RPA3: variants seen among roughly 807,000 people sequenced by gnomAD.
RPA3 encodes the protein replication protein A3.
RPA3 carries 24 observed loss-of-function variants against 13.7 expected under a neutral mutation model. The ratio of observed to expected loss-of-function variants is 1.75; its 90% CI spans 1.27 to 2.46. RPA3 has a LOEUF of 2.46. Among genes scored for constraint, RPA3 ranks in the 30% most tolerant of loss-of-function variants. The pLI is 0.00. For missense variants in RPA3, 183 were observed against 151.0 expected (o/e 1.21, Z -1.11); for synonymous variants, 59 against 51.2 (o/e 1.15, Z -0.65).
At chr7:7,716,936 T>A (rs1228474450) in intron 1 of RPA3, among the ~76,000 whole-genome samples, 1 of 152,084 alleles carries the variant, frequency 6.6e-6, no homozygotes, top group East Asian at 1.9e-4. Flanking sequence ...CCTATGTAAA[T>A]CAGACACCGC....
chr7:7,638,162 T>G, intron 6 of RPA3, 190 bp from the exon 7 acceptor site: 1 of 457,884 alleles, frequency 2.2e-6, no homozygotes, highest in Non-Finnish European at 4.0e-6. Context: ...CATGTTAAAA[T>G]TCCTGCTACC....
chr7:7,663,112 A>G (rs532189938), intron 4 of RPA3, among the ~76,000 whole-genome samples: 183 of 151,994 alleles, frequency 1.2e-3, no homozygotes, highest in Middle Eastern at 0.01. Flanking sequence ...GTTACCATGT[A>G]TAATGCTCTC....
intron 7 of RPA3, 100 bp from the exon 8 acceptor site, chr7:7,637,182 T>C (rs1784879497): frequency 1.1e-6 from 1 of 878,080 alleles, no homozygotes; most frequent in African/African-American, 1.7e-5. Flanking sequence ...TCTCACCCTT[T>C]TGGAAGTGAG....
intron 4 of RPA3, among the ~76,000 whole-genome samples, chr7:7,680,489 T>C (rs528620276): frequency 6.6e-6 from 1 of 152,334 alleles, no homozygotes; most frequent in South Asian, 2.1e-4. Context: ...TCTAATTTTG[T>C]TGTTTTTGCT....
chr7:7,637,463 C>A (rs966274283), intron 7 of RPA3, among the ~76,000 whole-genome samples: 7 of 151,946 alleles, frequency 4.6e-5, no homozygotes, highest in South Asian at 2.1e-4. Flanking sequence ...TACTTAAAAG[C>A]AGGCCAAAAC....
At chr7:7,671,364 G>A (rs912065096) in intron 4 of RPA3, among the ~76,000 whole-genome samples, 2 of 152,116 alleles carry the variant, frequency 1.3e-5, no homozygotes, top group African/African-American at 4.8e-5. Context: ...CACACCCTTA[G>A]TCTCTTTTTT....
chr7:7,669,706 A>T (rs7777879), intron 4 of RPA3, among the ~76,000 whole-genome samples: 140,747 of 152,242 alleles, frequency 0.92, 65,175 homozygotes, highest in African/African-American at 0.98. Context: ...GGACTGTAGT[A>T]GGGGAAGGAG....
intron 4 of RPA3, among the ~76,000 whole-genome samples, chr7:7,677,788 C>T (rs1161807526): frequency 6.7e-6 from 1 of 149,202 alleles, no homozygotes; most frequent in African/African-American, 2.5e-5. Context: ...ATTCTCCTGC[C>T]TCAGCCTCCC....
At chr7:7,661,131 A>G (rs1370370285) in intron 4 of RPA3, among the ~76,000 whole-genome samples, 1 of 151,962 alleles carries the variant, frequency 6.6e-6, no homozygotes, top group Non-Finnish European at 1.5e-5. Context: ...TGTATGCTTC[A>G]GGAAGTTCTT....
intron 1 of RPA3, among the ~76,000 whole-genome samples, chr7:7,716,413 T>C (rs1780905896): frequency 6.6e-6 from 1 of 152,218 alleles, no homozygotes; most frequent in Admixed American, 6.5e-5. Flanking sequence ...CCCAAATCAT[T>C]TCTTTTCTAA....
At chr7:7,703,294 C>T (rs1308223275) in intron 2 of RPA3, among the ~76,000 whole-genome samples, 7 of 152,194 alleles carry the variant, frequency 4.6e-5, no homozygotes, top group African/African-American at 1.4e-4. Context: ...TTATGGAATT[C>T]GTGTGTTCTC....
chr7:7,713,067 G>C (rs766850903), intron 2 of RPA3, among the ~76,000 whole-genome samples: 2 of 152,098 alleles, frequency 1.3e-5, no homozygotes, highest in Non-Finnish European at 2.9e-5. Flanking sequence ...GGCCGCGCGC[G>C]GTGGCTCACA....
chr7:7,668,448 T>A (rs1779525850), intron 4 of RPA3, among the ~76,000 whole-genome samples: 1 of 152,172 alleles, frequency 6.6e-6, no homozygotes, highest in Admixed American at 6.5e-5. Context: ...TATTACTATA[T>A]ATTGTTATAG....
chr7:7,658,915 G>A (rs749425904), intron 4 of RPA3, among the ~76,000 whole-genome samples: 25 of 152,122 alleles, frequency 1.6e-4, no homozygotes, highest in Non-Finnish European at 2.6e-4. Flanking sequence ...GTAGAATTTG[G>A]CTGTGAATCC....
At chr7:7,706,349 G>C (rs895646052) in intron 2 of RPA3, among the ~76,000 whole-genome samples, 1 of 152,238 alleles carries the variant, frequency 6.6e-6, no homozygotes, top group East Asian at 1.9e-4. Context: ...CCTAGTCTGG[G>C]TTTGCTGGTT....
At chr7:7,664,206 C>G (rs189294560) in intron 4 of RPA3, among the ~76,000 whole-genome samples, 2 of 152,244 alleles carry the variant, frequency 1.3e-5, no homozygotes, top group East Asian at 1.9e-4. Flanking sequence ...AAGTCCCCTA[C>G]TTTTCCTTTT....
At chr7:7,700,072 C>T (rs1005789436) in intron 2 of RPA3, among the ~76,000 whole-genome samples, 1 of 152,142 alleles carries the variant, frequency 6.6e-6, no homozygotes, top group African/African-American at 2.4e-5. Context: ...CTTAGTCAGT[C>T]TGGGCTCCTT....
chr7:7,693,508 G>T (rs1053468837), intron 2 of RPA3, among the ~76,000 whole-genome samples: 4 of 152,054 alleles, frequency 2.6e-5, no homozygotes, highest in Non-Finnish European at 5.9e-5. Flanking sequence ...TGTTTTCCTG[G>T]ATGTCGATAG....
In RPA3 at chr7:7,672,501, C is replaced by G. The variant is rs28915987; in HGVS notation, c.-758+13329G>C. ...GATATGGTTTGGTTCTTTGTCCCCA[C>G]CCAAATCTCACTTTGAATTGTATTA... On this transcript the variant is annotated intron_variant, in intron 4 of 7. Transcript: ENST00000223129. Among the ~76,000 whole-genome samples, 231 of 152,260 alleles carry G rather than the reference C, an allele frequency of 1.5e-3. 2 individuals are homozygous for G. The highest frequency in any genetic ancestry group is 5.3e-3 in the African/African-American group (219 of 41,548).
Sources: allele counts gnomAD v4.1 joint callset (sites outside exome capture counted in the v4.1 genomes callset), GRCh38; gene constraint gnomAD v4.1.1; transcripts MANE v1.5; gene names NCBI Gene and HGNC (gene_info 2026-07-23, HGNC 2026-07-21).